Variants in IL12RB2 observed in about 807,000 individuals in gnomAD.
The protein encoded by IL12RB2 is interleukin 12 receptor subunit beta 2.
A neutral mutation model predicts 89.4 loss-of-function variants in IL12RB2; 82 were observed. The observed-to-expected ratio is 0.92, with a 90% confidence interval of 0.77 to 1.10. The LOEUF (loss-of-function observed/expected upper bound fraction) is 1.10, where lower values mean the gene tolerates loss of function less well. Ranked by LOEUF, IL12RB2 falls within the 50% of genes least tolerant of loss-of-function variation. The pLI is 0.00. For synonymous variants in IL12RB2, 368 were observed against 370.1 expected (o/e 0.99, Z 0.07); for missense variants, 963 against 1,031.9 (o/e 0.93, Z 0.92).
Position 67,390,012 on chromosome 1 carries a change from GTTTTC to G in IL12RB2, c.1947-13_1947-9del, listed in dbSNP as rs1665630711. 1 of 998,594 alleles carries G rather than the reference GTTTTC, an allele frequency of 1.0e-6. No individual in the cohort carries two copies. The highest frequency in any genetic ancestry group is 1.6e-6 in the Non-Finnish European group (1 of 617,350). The allele number at this position is 998,594 out of a possible 1,614,324, so 61.9% of individuals were successfully genotyped here. ...TGTGCACACCTAAGGAAATGTCACT[GTTTTC>G]TTTATCTATAGGGTGTTTGTTCTCC... On this transcript the variant is annotated splice_polypyrimidine_tract_variant and intron_variant, in intron 15 of 16. Transcript: ENST00000674203.
chr1:67,366,452 C>CAA (rs11329710), intron 10 of IL12RB2, among the ~76,000 whole-genome samples: 533 of 53,068 alleles, frequency 0.01, no homozygotes, highest in Middle Eastern at 0.013. Context: ...GACTCCATCT[C>CAA]AAAAAAAAAA....
intron 2 of IL12RB2, among the ~76,000 whole-genome samples, chr1:67,316,930 T>A (rs575067736): frequency 6.6e-6 from 1 of 152,332 alleles, no homozygotes; most frequent in Non-Finnish European, 1.5e-5. Context: ...TACTCCAGGA[T>A]GTTGTTTCCA....
At chr1:67,358,576 CA>C (rs982954432) in intron 10 of IL12RB2, among the ~76,000 whole-genome samples, 6 of 144,728 alleles carry the variant, frequency 4.1e-5, no homozygotes, top group African/African-American at 1.5e-4. Context: ...AACTCCATCT[CA>C]AAAAAAAATT....
At chr1:67,383,387 C>T (rs890019750) in intron 14 of IL12RB2, among the ~76,000 whole-genome samples, 2 of 152,306 alleles carry the variant, frequency 1.3e-5, no homozygotes, top group South Asian at 2.1e-4. Context: ...CATCCCACTC[C>T]TGACCCCTCC....
At chr1:67,380,682 A>G (rs1381033227) in intron 14 of IL12RB2, among the ~76,000 whole-genome samples, 2 of 152,256 alleles carry the variant, frequency 1.3e-5, no homozygotes, top group African/African-American at 2.4e-5. Flanking sequence ...TCTAGAGGCT[A>G]GAAGTCCAAA....
rs1666388591 is a variant in IL12RB2 at position 67,396,657 on chromosome 1, A to G, written c.*568A>G. ...ATTTTGATTGTAAATTTAAATCGCCACACATGGCTAGTGGCTACTGTATTG... is the reference window on the plus strand; with the variant it reads ...ATTTTGATTGTAAATTTAAATCGCCGCACATGGCTAGTGGCTACTGTATTG... On this transcript the variant is annotated 3_prime_UTR_variant, in exon 17 of 17. Transcript: ENST00000674203. 6.0e-6 allele frequency: 1 copy of G among 167,470 alleles called. No homozygotes were observed. The highest frequency in any genetic ancestry group is 1.3e-5 in the Non-Finnish European group (1 of 76,484). 10.4% of individuals were successfully genotyped at this position (167,470 alleles called of 1,614,324 possible).
intron 2 of IL12RB2, among the ~76,000 whole-genome samples, chr1:67,319,351 T>C (rs1363338507): frequency 6.6e-6 from 1 of 152,186 alleles, no homozygotes; most frequent in Admixed American, 6.5e-5. Context: ...AGATCAGAAA[T>C]TGCCAGCTTA....
At chr1:67,350,762 G>T (rs989892707) in intron 9 of IL12RB2, 108 bp from the exon 10 acceptor site, 4 of 1,549,664 alleles carry the variant, frequency 2.6e-6, no homozygotes, top group Middle Eastern at 2.1e-4. Flanking sequence ...TGAACAAAAA[G>T]GTCACTCAGC....
Position 67,385,610 on chromosome 1 carries a change from T to G in IL12RB2, c.1856-969T>G, listed in dbSNP as rs188834036. 1.9e-3 allele frequency among the ~76,000 whole-genome samples: 284 copies of G among 152,344 alleles called. 3 individuals carry two copies. Among genetic ancestry groups the G allele is most frequent in the Non-Finnish European group, 2.7e-3 (187 of 68,038 alleles). ...CTATTTATCTTTGTATCCCAGCACC[T>G]AACAGAGCCTGTTACCTGGTTACTA... On this transcript the variant is annotated intron_variant, in intron 14 of 16. Transcript: ENST00000674203.
chr1:67,318,687 A>C (rs1297368468), intron 2 of IL12RB2, among the ~76,000 whole-genome samples: 2 of 152,152 alleles, frequency 1.3e-5, no homozygotes, highest in Non-Finnish European at 2.9e-5. Flanking sequence ...ATGAATTTGG[A>C]GAAAGGGTGC....
intron 16 of IL12RB2, among the ~76,000 whole-genome samples, chr1:67,394,260 T>A (rs372392379): frequency 1.3e-5 from 2 of 152,160 alleles, no homozygotes; most frequent in African/African-American, 4.8e-5. Flanking sequence ...GTAAGCCAAG[T>A]CAGCAGAGGC....
intron 1 of IL12RB2, among the ~76,000 whole-genome samples, chr1:67,309,946 G>C (rs1484833531): frequency 6.6e-6 from 1 of 151,968 alleles, no homozygotes; most frequent in Non-Finnish European, 1.5e-5. Context: ...AGGCCGAGGT[G>C]GGGGGATCAC....
At position 67,397,933 on chromosome 1, in the gene IL12RB2, G is replaced by A. The variant is rs1417927494; in HGVS notation, c.*1844G>A. Among the ~76,000 whole-genome samples the A allele has an allele frequency of 2.0e-5, 3 of 152,070 alleles. No individual in the cohort carries two copies. Among genetic ancestry groups the A allele is most frequent in the Non-Finnish European group, 4.4e-5 (3 of 68,022 alleles). The stretch of plus-strand genomic sequence containing the variant: ...AGTCCTGTAGAAATAACTGTTCTCG[G>A]GCTTTAGGTTTTCCAGATTTCCCTC... On this transcript the variant is annotated 3_prime_UTR_variant, in exon 17 of 17. Transcript: ENST00000674203.
At chr1:67,336,593 A>C (rs1658795620) in intron 8 of IL12RB2, among the ~76,000 whole-genome samples, 1 of 152,232 alleles carries the variant, frequency 6.6e-6, no homozygotes, top group Non-Finnish European at 1.5e-5. Flanking sequence ...AAAAGAAAAG[A>C]AGTGAATGTT....
At chr1:67,393,812 C>G (rs371425803) in intron 16 of IL12RB2, among the ~76,000 whole-genome samples, 1 of 152,098 alleles carries the variant, frequency 6.6e-6, no homozygotes, top group South Asian at 2.1e-4. Flanking sequence ...TTGGTTTTTC[C>G]CAGGCTACAG....
intron 8 of IL12RB2, among the ~76,000 whole-genome samples, chr1:67,333,057 A>G (rs1266244214): frequency 6.6e-6 from 1 of 152,340 alleles, no homozygotes; most frequent in Non-Finnish European, 1.5e-5. Context: ...GAACCTAGGA[A>G]GCTGGCTTAT....
At chr1:67,335,807 C>A (rs1053934191) in intron 8 of IL12RB2, among the ~76,000 whole-genome samples, 7 of 152,172 alleles carry the variant, frequency 4.6e-5, no homozygotes, top group Admixed American at 3.9e-4. Flanking sequence ...TGAAATGTTA[C>A]ACTTTTTAGA....
intron 1 of IL12RB2, among the ~76,000 whole-genome samples, chr1:67,312,747 C>T (rs1328736045): frequency 1.4e-5 from 2 of 146,492 alleles, no homozygotes; most frequent in African/African-American, 5.0e-5. Context: ...AACAAAAATT[C>T]GGAAGTCTCC....
At chr1:67,348,020 G>T (rs772022814) in intron 9 of IL12RB2, among the ~76,000 whole-genome samples, 4 of 152,148 alleles carry the variant, frequency 2.6e-5, no homozygotes, top group Non-Finnish European at 5.9e-5. Flanking sequence ...CTGGCTCATG[G>T]TATAGCCCAA....
Sources: gnomAD v4.1 joint callset for allele counts (sites outside exome capture counted in the v4.1 genomes callset) on GRCh38, gnomAD v4.1.1 for gene constraint, MANE v1.5 for transcripts, NCBI Gene and HGNC (gene_info 2026-07-23, HGNC 2026-07-21) for gene names.